ATXN7: variants seen among roughly 807,000 people sequenced by gnomAD.
ATXN7 encodes ataxin 7, also known as ataxin-7.
In ATXN7, 12 loss-of-function variants were observed where a neutral mutation model predicts 70.5. That is an observed-to-expected ratio of 0.17 (90% CI 0.11 to 0.28). The LOEUF (loss-of-function observed/expected upper bound fraction) is 0.28. ATXN7 is among the 10% of genes least tolerant of loss of function. The pLI, the probability that ATXN7 is intolerant of heterozygous loss-of-function variation, is 1.00. For missense variants in ATXN7, 1,256 were observed against 1,131.7 expected (o/e 1.11, Z -1.58); for synonymous variants, 498 against 448.7 (o/e 1.11, Z -1.39).
At chr3:63,917,370 A>T (rs1379818676) in intron 4 of ATXN7, among the ~76,000 whole-genome samples, 1 of 152,254 alleles carries the variant, frequency 6.6e-6, no homozygotes, top group Non-Finnish European at 1.5e-5. Flanking sequence ...GTGAAAGTTA[A>T]CAAAATTATG....
chr3:63,904,754 G>A (rs969407747), intron 2 of ATXN7: 4 of 152,188 alleles, frequency 2.6e-5, no homozygotes, highest in Admixed American at 2.6e-4. Context: ...ATACCTAGAA[G>A]TGGAATTGCT....
intron 4 of ATXN7, among the ~76,000 whole-genome samples, chr3:63,946,457 G>A (rs531841865): frequency 1.3e-5 from 2 of 152,204 alleles, no homozygotes; most frequent in East Asian, 3.9e-4. Flanking sequence ...GGCTAAGACA[G>A]TGAAACCCGT....
Position 63,926,920 on chromosome 3 carries a change from G to T in ATXN7, c.394+13695G>T, listed in dbSNP as rs369537878. 2.4e-4 allele frequency among the ~76,000 whole-genome samples: 37 copies of T among 152,214 alleles called. 1 individual carries two copies. The highest frequency in any genetic ancestry group is 8.7e-4 in the African/African-American group (36 of 41,532). On this transcript the variant is annotated intron_variant, in intron 4 of 12. Transcript: ENST00000674280. ...TATGGGTGAGAACATGCGGTGTTTG[G>T]TTTTCTGTTCCTGTGTTAGTTGGCT...
chr3:63,885,274 C>G (rs1455084658), intron 1 of ATXN7, among the ~76,000 whole-genome samples: 4 of 151,650 alleles, frequency 2.6e-5, no homozygotes, highest in Non-Finnish European at 5.9e-5. Flanking sequence ...AACAGATAAC[C>G]CAATTAAAAA....
chr3:63,881,450 G>T (rs1386474476), intron 1 of ATXN7, among the ~76,000 whole-genome samples: 1 of 150,940 alleles, frequency 6.6e-6, no homozygotes, highest in African/African-American at 2.4e-5. Flanking sequence ...TTTTCAGTGT[G>T]CTGGAAACTG....
chr3:63,934,656 G>A (rs1200343415), intron 4 of ATXN7, among the ~76,000 whole-genome samples: 2 of 152,166 alleles, frequency 1.3e-5, no homozygotes, highest in African/African-American at 4.8e-5. Context: ...TTGCACAGCA[G>A]CATCAGATTT....
In ATXN7 at chr3:63,995,590, G is replaced by A. The variant is rs1262748939; in HGVS notation, c.1768G>A (p.Gly590Arg). The A allele has an allele frequency of 3.1e-6, 5 of 1,614,120 alleles. No homozygotes were observed. Among genetic ancestry groups the A allele is most frequent in the Non-Finnish European group, 4.2e-6 (5 of 1,180,024 alleles). Residue 590 changes from glycine (G) to arginine (R), a missense_variant, in exon 12 of 13, where the codon GGA (glycine) becomes AGA (arginine). Coordinates refer to ENST00000674280, the MANE Select transcript of ATXN7 (RefSeq NM_001377405.1). ...AAACTCTGTGCCGACATCACAATGT[G>A]GAGTCAGCTATCTGGCAGCAGCCAC... Reference protein sequence around the residue: ...RTNSVPTSQCGVSYLAAATVS... With the variant: ...RTNSVPTSQCRVSYLAAATVS...
chr3:63,989,776 A>G (rs1457948461), intron 9 of ATXN7, among the ~76,000 whole-genome samples: 1 of 152,182 alleles, frequency 6.6e-6, no homozygotes, highest in Non-Finnish European at 1.5e-5. Flanking sequence ...TCAATTCCCC[A>G]TGGATACCGA....
At chr3:63,904,946 A>T (rs1001719215) in intron 2 of ATXN7, 2 of 152,230 alleles carry the variant, frequency 1.3e-5, no homozygotes, top group East Asian at 1.9e-4. Context: ...AGTGGGTGAG[A>T]GGTGGTATCT....
intron 4 of ATXN7, among the ~76,000 whole-genome samples, chr3:63,933,051 T>C (rs2074586876): frequency 6.6e-6 from 1 of 152,190 alleles, no homozygotes; most frequent in African/African-American, 2.4e-5. Flanking sequence ...GTAGTGATGC[T>C]TTTGTTTGCT....
At chr3:63,880,265 G>A (rs1702872580) in intron 1 of ATXN7, among the ~76,000 whole-genome samples, 1 of 152,124 alleles carries the variant, frequency 6.6e-6, no homozygotes, top group Non-Finnish European at 1.5e-5. Flanking sequence ...AGCATCAGCT[G>A]TGGGACTAAA....
At chr3:63,982,512 A>G in intron 7 of ATXN7, 67 bp downstream of exon 7, 3 of 1,300,534 alleles carry the variant, frequency 2.3e-6, no homozygotes, top group South Asian at 1.4e-5. Flanking sequence ...TGGGGAGCAA[A>G]TCAACTGCAA....
At chr3:63,878,277 A>C (rs1309836171) in intron 1 of ATXN7, among the ~76,000 whole-genome samples, 1 of 152,200 alleles carries the variant, frequency 6.6e-6, no homozygotes, top group Non-Finnish European at 1.5e-5. Context: ...CAGCCAGAGG[A>C]AACCCTGGAG....
intron 12 of ATXN7, chr3:63,997,952 A>G: frequency 2.0e-6 from 2 of 985,388 alleles, no homozygotes; most frequent in South Asian, 4.7e-5. Context: ...TGGACAAATG[A>G]GAAGTGTGCT....
chr3:63,973,884 A>T lies in ATXN7; in HGVS notation c.500-6031A>T, dbSNP rs193036758. Among the ~76,000 whole-genome samples the T allele has an allele frequency of 5.9e-5, 9 of 152,210 alleles. No homozygotes were observed. The East Asian group carries it at 1.6e-3, about 26-fold the overall frequency. On this transcript the variant is annotated intron_variant, in intron 5 of 12. Transcript: ENST00000674280. ...ATGCAAAAAAGTTTAAAGGGAAGGCACAACTCAAAGGTGGGCATGACAGTG... is the reference window on the plus strand; with the variant it reads ...ATGCAAAAAAGTTTAAAGGGAAGGCTCAACTCAAAGGTGGGCATGACAGTG...
intron 5 of ATXN7, among the ~76,000 whole-genome samples, chr3:63,961,606 T>G (rs1216136122): frequency 6.6e-6 from 1 of 152,238 alleles, no homozygotes; most frequent in Non-Finnish European, 1.5e-5. Flanking sequence ...TTGTTTATAA[T>G]GTGTATATGG....
At chr3:63,894,025 A>G (rs1703368333) in intron 1 of ATXN7, among the ~76,000 whole-genome samples, 1 of 152,186 alleles carries the variant, frequency 6.6e-6, no homozygotes, top group Non-Finnish European at 1.5e-5. Flanking sequence ...TAACCTGCTT[A>G]AGAAATTTGG....
At chr3:63,997,603 T>C in intron 12 of ATXN7, 1 of 1,545,934 alleles carries the variant, frequency 6.5e-7, no homozygotes, top group Non-Finnish European at 8.8e-7. Context: ...TCTCTCATCT[T>C]GTTATTTTAT....
chr3:63,874,970 A>G (rs909201895), intron 1 of ATXN7, among the ~76,000 whole-genome samples: 4 of 152,138 alleles, frequency 2.6e-5, no homozygotes, highest in Non-Finnish European at 4.4e-5. Context: ...AAGGTGTCAC[A>G]TGGTGGAAGG....
Sources: allele counts gnomAD v4.1 joint callset (sites outside exome capture counted in the v4.1 genomes callset), GRCh38; gene constraint gnomAD v4.1.1; transcripts MANE v1.5; gene names NCBI Gene and HGNC (gene_info 2026-07-23, HGNC 2026-07-21).